The following C5orf47 variants were observed in gnomAD, a reference collection of about 807,000 sequenced individuals.
C5orf47 encodes the protein uncharacterized protein C5orf47.
C5orf47 carries 20 observed loss-of-function variants against 20.6 expected under a neutral mutation model. That is an observed-to-expected ratio of 0.97 (90% CI 0.68 to 1.41). The LOEUF (loss-of-function observed/expected upper bound fraction) is 1.41, where lower values mean the gene tolerates loss of function less well. Among genes scored for constraint, C5orf47 ranks in the 40% most tolerant of loss-of-function variants. The pLI is 0.00. For missense variants in C5orf47, 262 were observed against 238.4 expected (o/e 1.10, Z -0.65); for synonymous variants, 106 against 97.3 (o/e 1.09, Z -0.53).
At chr5:173,994,534 G>A (rs906223533) in intron 1 of C5orf47, among the ~76,000 whole-genome samples, 3 of 152,204 alleles carry the variant, frequency 2.0e-5, no homozygotes, top group African/African-American at 7.2e-5. Context: ...CCAGTGGAAA[G>A]AGTGAAGGCC....
chr5:173,994,312 C>G (rs1328841678), intron 1 of C5orf47, among the ~76,000 whole-genome samples: 1 of 152,214 alleles, frequency 6.6e-6, no homozygotes, highest in Non-Finnish European at 1.5e-5. Flanking sequence ...TATAGTGGAT[C>G]TGACTGGCAG....
intron 1 of C5orf47, among the ~76,000 whole-genome samples, chr5:173,994,467 G>A (rs1759053850): frequency 1.3e-5 from 2 of 152,178 alleles, no homozygotes; most frequent in African/African-American, 4.8e-5. Context: ...CCACAAAGGA[G>A]TTGGTGGGTG....
chr5:173,998,079 A>C (rs750407308), intron 1 of C5orf47, 74 bp from the exon 2 acceptor site: 105 of 892,270 alleles, frequency 1.2e-4, no homozygotes, highest in Admixed American at 1.7e-4. Flanking sequence ...CTCAAGAAAC[A>C]TTTATATGGT....
chr5:174,008,596 G>T (rs972004779), downstream of C5orf47, among the ~76,000 whole-genome samples: 3 of 152,178 alleles, frequency 2.0e-5, no homozygotes, highest in African/African-American at 7.2e-5. Flanking sequence ...ACTTTGGGAG[G>T]CTGAGGCCGG....
At chr5:173,994,173 C>T (rs1326173065) in intron 1 of C5orf47, among the ~76,000 whole-genome samples, 5 of 152,166 alleles carry the variant, frequency 3.3e-5, no homozygotes, top group Non-Finnish European at 2.9e-5. Flanking sequence ...CATGGTCTGT[C>T]GTCGTCGTGG....
At chr5:173,991,472 C>G (rs905658596) in intron 1 of C5orf47, among the ~76,000 whole-genome samples, 1 of 151,216 alleles carries the variant, frequency 6.6e-6, no homozygotes, top group Non-Finnish European at 1.5e-5. Context: ...TCAAATATTA[C>G]AAAGTATCCC....
intron 1 of C5orf47, among the ~76,000 whole-genome samples, chr5:173,991,344 A>G (rs943625952): frequency 6.6e-6 from 1 of 152,158 alleles, no homozygotes; most frequent in African/African-American, 2.4e-5. Context: ...CTCAAGGGCA[A>G]TGTTGGATAG....
At chr5:174,000,065 ATACT>A (rs1241374717) in intron 3 of C5orf47, among the ~76,000 whole-genome samples, 1 of 152,138 alleles carries the variant, frequency 6.6e-6, no homozygotes, top group Non-Finnish European at 1.5e-5. Flanking sequence ...CAAAGGGAAC[ATACT>A]TTTCTGTTAA....
At chr5:173,993,985 G>T (rs142143344) in intron 1 of C5orf47, among the ~76,000 whole-genome samples, 1 of 152,140 alleles carries the variant, frequency 6.6e-6, no homozygotes, top group Non-Finnish European at 1.5e-5. Context: ...GGGATTTGAC[G>T]AACACTTGGG....
At chr5:173,992,970 C>T (rs2113359872) in intron 1 of C5orf47, among the ~76,000 whole-genome samples, 1 of 152,294 alleles carries the variant, frequency 6.6e-6, no homozygotes, top group African/African-American at 2.4e-5. Flanking sequence ...CATTATATTG[C>T]ATGCTTGGCA....
intron 1 of C5orf47, among the ~76,000 whole-genome samples, chr5:173,990,396 C>T (rs1758971159): frequency 6.6e-6 from 1 of 151,990 alleles, no homozygotes. Context: ...CCTGGGATTA[C>T]ATGCATGAGC....
At position 174,004,480 on chromosome 5, in the gene C5orf47, A is replaced by G. The variant is rs1284122120; in HGVS notation, c.*226A>G. On this transcript the variant is annotated 3_prime_UTR_variant, in exon 5 of 5. Coordinates refer to ENST00000340147, the MANE Select transcript of C5orf47 (RefSeq NM_001144954.2). ...TAGTTAAATATTGTTAACCATATGC[A>G]TGCAAGTGTTATTTTCAGAATTAAT... 6.6e-6 allele frequency: 1 copy of G among 152,264 alleles called. No homozygotes were observed. Among genetic ancestry groups the G allele is most frequent in the East Asian group, 1.9e-4 (1 of 5,282 alleles). 9.4% of individuals were successfully genotyped at this position (152,264 alleles called of 1,614,324 possible).
rs1759260263 is a variant in C5orf47, at chr5:174,004,894, G to T, written c.*640G>T. 1 of 151,708 alleles carries T rather than the reference G, an allele frequency of 6.6e-6. No homozygotes were observed. The highest frequency in any genetic ancestry group is 2.4e-5 in the African/African-American group (1 of 41,278). The allele number at this position is 151,708 out of a possible 1,614,324, so 9.4% of individuals were successfully genotyped here. On this transcript the variant is annotated 3_prime_UTR_variant, in exon 5 of 5. Coordinates refer to ENST00000340147, the MANE Select transcript of C5orf47 (RefSeq NM_001144954.2). ...ATGGAGTATTTTAGGAAAATTTTTGGGCAAAGATCAGAGGAGATGCCCTTT... is the reference window on the plus strand; with the variant it reads ...ATGGAGTATTTTAGGAAAATTTTTGTGCAAAGATCAGAGGAGATGCCCTTT...
At chr5:173,989,625 G>A (rs1758947154) in intron 1 of C5orf47, 37 bp downstream of exon 1, 4 of 1,359,840 alleles carry the variant, frequency 2.9e-6, no homozygotes, top group South Asian at 3.4e-5. Flanking sequence ...GGGCGCGGCG[G>A]GGCGGGACGG....
chr5:174,005,070 T>A lies in C5orf47; in HGVS notation c.*816T>A, dbSNP rs1759264309. 2.0e-5 allele frequency: 3 copies of A among 152,316 alleles called. No homozygotes were observed. The highest frequency in any genetic ancestry group is 6.5e-5 in the Admixed American group (1 of 15,306). 9.4% of individuals were successfully genotyped at this position (152,316 alleles called of 1,614,324 possible). A position where few individuals can be genotyped will look rare whatever the true frequency, so the allele number is the denominator to read the frequency against. On this transcript the variant is annotated 3_prime_UTR_variant, in exon 5 of 5. Coordinates refer to ENST00000340147, the MANE Select transcript of C5orf47 (RefSeq NM_001144954.2). ...CAACTTTTACCTCCGCCAGTTTTTC[T>A]GCTTTTTTGCTGGTACGATCTCTCT...
At chr5:174,002,377 A>G (rs1384528215) in intron 4 of C5orf47, among the ~76,000 whole-genome samples, 1 of 152,228 alleles carries the variant, frequency 6.6e-6, no homozygotes, top group East Asian at 1.9e-4. Flanking sequence ...GTATAAAAGT[A>G]TACTGAGATA....
At chr5:174,007,606 G>GGAGT (rs957920520), downstream of C5orf47, among the ~76,000 whole-genome samples, 1 of 148,162 alleles carries the variant, frequency 6.7e-6, no homozygotes, top group African/African-American at 2.5e-5. Context: ...TGCTGAGGCT[G>GGAGT]GAGTGCAGTG....
downstream of C5orf47, among the ~76,000 whole-genome samples, chr5:174,006,422 A>G (rs563891314): frequency 2.6e-5 from 4 of 152,282 alleles, no homozygotes; most frequent in South Asian, 6.2e-4. Flanking sequence ...CAATACTTCA[A>G]AATATCATTC....
chr5:174,009,100 T>A (rs1759334936), downstream of C5orf47, among the ~76,000 whole-genome samples: 1 of 152,102 alleles, frequency 6.6e-6, no homozygotes, highest in South Asian at 2.1e-4. Context: ...TCCACTTCGG[T>A]TGCACTAGCT....
Sources: allele counts gnomAD v4.1 joint callset (sites outside exome capture counted in the v4.1 genomes callset), GRCh38; gene constraint gnomAD v4.1.1; transcripts MANE v1.5; gene names NCBI Gene and HGNC (gene_info 2026-07-23, HGNC 2026-07-21).